The following PIKFYVE variants were observed in gnomAD, a reference collection of about 807,000 sequenced individuals.
PIKFYVE encodes the protein phosphoinositide kinase, FYVE-type zinc finger containing, also known as 1-phosphatidylinositol 3-phosphate 5-kinase.
In PIKFYVE, 122 loss-of-function variants were observed where a neutral mutation model predicts 257.9. The ratio of observed to expected loss-of-function variants is 0.47; its 90% CI spans 0.41 to 0.55. The LOEUF is 0.55. Ranked by LOEUF, PIKFYVE falls within the 20% of genes least tolerant of loss-of-function variation. The probability of loss-of-function intolerance (pLI) is 0.00; values close to 1 mark genes in which losing one functional copy is unlikely to be tolerated. For synonymous variants in PIKFYVE, 892 were observed against 868.9 expected (o/e 1.03, Z -0.47); for missense variants, 2,160 against 2,536.6 (o/e 0.85, Z 3.19).
In PIKFYVE at chr2:208,351,660, C is replaced by T. The variant is rs575543499; in HGVS notation, c.5715+205C>T. 2.1e-4 allele frequency among the ~76,000 whole-genome samples: 32 copies of T among 152,162 alleles called. 1 individual carries two copies. In the South Asian group the frequency reaches 6.2e-3, roughly 30 times the overall value. The stretch of plus-strand genomic sequence containing the variant: ...GGCGGCGTCTGTTTCTGGTGAGGGC[C>T]TCAGGAAGCTTACAGTCATGGTGGA... On this transcript the variant is annotated intron_variant, in intron 38 of 41. Coordinates refer to ENST00000264380, the MANE Select transcript of PIKFYVE (RefSeq NM_015040.4).
intron 3 of PIKFYVE, among the ~76,000 whole-genome samples, chr2:208,274,490 G>A (rs567632977): frequency 3.3e-5 from 5 of 152,208 alleles, no homozygotes; most frequent in South Asian, 2.1e-4. Flanking sequence ...ACCAGATCTC[G>A]TCTGGTGTGG....
intron 36 of PIKFYVE, 141 bp from the exon 37 acceptor site, chr2:208,350,630 G>A: frequency 1.2e-6 from 1 of 824,600 alleles, no homozygotes; most frequent in Non-Finnish European, 2.0e-6. Flanking sequence ...TGATAAATAG[G>A]GATTTGGATC....
rs1690287318 is a variant in PIKFYVE, at chr2:208,277,706, C to T, written c.611C>T (p.Thr204Ile). 3 of 1,613,404 alleles carry T rather than the reference C, an allele frequency of 1.9e-6. No homozygotes were observed. The highest frequency in any genetic ancestry group is 3.3e-5 in the Admixed American group (2 of 60,008). The change falls in exon 5 of 42, where the codon ACA becomes ATA. Residue 204 changes from threonine to isoleucine, a missense_variant and splice_region_variant. Coordinates refer to ENST00000264380, the MANE Select transcript of PIKFYVE (RefSeq NM_015040.4). ...ATCCCTGGAAAATTTATGGGCTATA[C>T]AGGTAAATGCATTTTATTGCCAGTT... ...QEIPGKFMGY[T>I]GDLRACTYCR...
chr2:208,337,506 T>A (rs937780210), intron 28 of PIKFYVE, among the ~76,000 whole-genome samples: 9 of 151,562 alleles, frequency 5.9e-5, no homozygotes, highest in African/African-American at 2.2e-4. Flanking sequence ...TTACACCTAA[T>A]AATCTTGTAT....
chr2:208,337,581 C>T (rs1360112470), intron 28 of PIKFYVE, among the ~76,000 whole-genome samples: 1 of 151,892 alleles, frequency 6.6e-6, no homozygotes, highest in Non-Finnish European at 1.5e-5. Context: ...ATCTATCTGT[C>T]TATCGATCTA....
chr2:208,350,876 G>A lies in PIKFYVE; in HGVS notation c.5540G>A (p.Arg1847His), dbSNP rs746801041. ...GACAGCAGTGAAGAAGATTTCATTCGTTCCCTCTCCCACTCATCACCCTGG... is the reference window on the plus strand; with the variant it reads ...GACAGCAGTGAAGAAGATTTCATTCATTCCCTCTCCCACTCATCACCCTGG... ...ILDSSEEDFIRSLSHSSPWQA... is the reference protein window; with the variant it reads ...ILDSSEEDFIHSLSHSSPWQA... The change falls in exon 37 of 42, where the codon CGT (arginine) becomes CAT (histidine). Residue 1847 changes from arginine to histidine, a missense_variant. Arg to His is a conservative substitution (Grantham distance 29). This residue lies in a region of PIKFYVE where 699 missense variants were observed against 855.8 expected (regional missense o/e 0.82). Transcript: ENST00000264380. 15 of 1,614,132 alleles carry A rather than the reference G, an allele frequency of 9.3e-6. No homozygotes were observed. Among genetic ancestry groups the A allele is most frequent in the Admixed American group, 1.7e-5 (1 of 60,016 alleles).
At chr2:208,305,673 C>T (rs1474381209) in intron 12 of PIKFYVE, 4 of 199,910 alleles carry the variant, frequency 2.0e-5, no homozygotes, top group Non-Finnish European at 3.6e-5. Context: ...TAAAATCTAA[C>T]ATAGCAGCAC....
Position 208,285,565 on chromosome 2 carries a change from T to C in PIKFYVE, c.614-161T>C, listed in dbSNP as rs1691461701. 2.0e-5 allele frequency among the ~76,000 whole-genome samples: 3 copies of C among 152,224 alleles called. No individual in the cohort carries two copies. The South Asian group carries it at 6.2e-4, about 32-fold the overall frequency. On this transcript the variant is annotated intron_variant, in intron 5 of 41. Transcript: ENST00000264380. ...ATATAATAGAGCTAACAAAATTATT[T>C]CACTTTTTAAAATGTCTTTTTTTGA...
chr2:208,347,150 G>T (rs767695209), intron 34 of PIKFYVE, among the ~76,000 whole-genome samples: 41 of 152,148 alleles, frequency 2.7e-4, no homozygotes, highest in Non-Finnish European at 5.4e-4. Context: ...GGTAGGAGTG[G>T]ATATTAAAGA....
rs577272852 is a variant in PIKFYVE, at chr2:208,287,992, T to A, written c.822-737T>A. On this transcript the variant is annotated intron_variant, in intron 6 of 41. Transcript: ENST00000264380. The stretch of plus-strand genomic sequence containing the variant: ...TAAATTTTAAAAATTGATTCTATGT[T>A]TAATTAAACAATATGAAGTATAGAG... Among the ~76,000 whole-genome samples, 17 of 152,340 alleles carry A rather than the reference T, an allele frequency of 1.1e-4. No homozygotes were observed. In the South Asian group the frequency reaches 3.5e-3, roughly 32 times the overall value.
chr2:208,347,778 A>T, intron 34 of PIKFYVE, 81 bp from the exon 35 acceptor site: 1 of 1,260,898 alleles, frequency 7.9e-7, no homozygotes, highest in Non-Finnish European at 1.1e-6. Context: ...GTTACAACTA[A>T]CAAAGAAATG....
intron 7 of PIKFYVE, among the ~76,000 whole-genome samples, chr2:208,293,555 A>C (rs1559070197): frequency 6.6e-6 from 1 of 152,136 alleles, no homozygotes; most frequent in Non-Finnish European, 1.5e-5. Context: ...AGGGTACAGA[A>C]TTGTAGGTTG....
At chr2:208,350,109 G>C (rs766377392) in intron 36 of PIKFYVE, 26 bp downstream of exon 36, 1 of 1,611,518 alleles carries the variant, frequency 6.2e-7, no homozygotes, top group African/African-American at 1.3e-5. Flanking sequence ...TATATCATTG[G>C]TTTGGGGAGA....
chr2:208,287,598 T>TTTTA (rs1413059385), intron 6 of PIKFYVE, among the ~76,000 whole-genome samples: 2 of 151,574 alleles, frequency 1.3e-5, no homozygotes, highest in Non-Finnish European at 2.9e-5. Flanking sequence ...TTACATTAGT[T>TTTTA]TTTATTTATT....
Position 208,304,701 on chromosome 2 carries a change from A to G in PIKFYVE, c.1469-145A>G, listed in dbSNP as rs1337070355. 1.5e-5 allele frequency: 11 copies of G among 756,052 alleles called. No individual in the cohort carries two copies. The East Asian group carries it at 2.4e-4, about 16-fold the overall frequency. 46.8% of individuals were successfully genotyped at this position (756,052 alleles called of 1,614,324 possible). A position where few individuals can be genotyped will look rare whatever the true frequency, so the allele number is the denominator to read the frequency against. ...TTTTATTAAGTCTACACAGAAGTAC[A>G]TGAAAATACTGTATCCATTTTGGTA... On this transcript the variant is annotated intron_variant, in intron 11 of 41. Transcript: ENST00000264380.
chr2:208,358,476 T>C lies in PIKFYVE; in HGVS notation c.*3171T>C, dbSNP rs1188852854. On this transcript the variant is annotated 3_prime_UTR_variant, in exon 42 of 42. Transcript: ENST00000264380. ...CAATCATTAGCAGTTTTAATACTGC[T>C]GTGTCAGTTTTGTAAAAAATGTACA... 2.0e-5 allele frequency: 3 copies of C among 152,558 alleles called. No homozygotes were observed. The highest frequency in any genetic ancestry group is 4.4e-5 in the Non-Finnish European group (3 of 68,024). 9.5% of individuals were successfully genotyped at this position (152,558 alleles called of 1,614,324 possible).
At chr2:208,345,057 A>G in intron 32 of PIKFYVE, 54 bp from the exon 33 acceptor site, 1 of 1,196,640 alleles carries the variant, frequency 8.4e-7, no homozygotes, top group Non-Finnish European at 1.2e-6. Context: ...CTTATGATTT[A>G]CTTTTAAAGA....
chr2:208,286,817 C>T (rs907237273), intron 6 of PIKFYVE, among the ~76,000 whole-genome samples: 1 of 151,984 alleles, frequency 6.6e-6, no homozygotes, highest in Non-Finnish European at 1.5e-5. Flanking sequence ...ACTCACTGCA[C>T]CTGGCCTCTG....
chr2:208,274,044 G>T, intron 3 of PIKFYVE: 3 of 1,612,108 alleles, frequency 1.9e-6, no homozygotes, highest in Non-Finnish European at 2.5e-6. Context: ...ACATCCCCAG[G>T]AGAACACAGG....
Sources: allele counts gnomAD v4.1 joint callset (sites outside exome capture counted in the v4.1 genomes callset), GRCh38; gene constraint gnomAD v4.1.1; regional missense constraint gnomAD v4.1.1; transcripts MANE v1.5; gene names NCBI Gene and HGNC (gene_info 2026-07-23, HGNC 2026-07-21).